The following KIRREL3 variants were observed in gnomAD, a reference collection of about 807,000 sequenced individuals.
The protein encoded by KIRREL3 is kin of IRRE-like protein 3.
A neutral mutation model predicts 89.7 loss-of-function variants in KIRREL3; 36 were observed. That is an observed-to-expected ratio of 0.40 (90% CI 0.31 to 0.53). The LOEUF is 0.53. KIRREL3 is among the 20% of genes least tolerant of loss of function. The pLI is 0.49. For missense variants in KIRREL3, 864 were observed against 1,056.6 expected (o/e 0.82, Z 2.53); for synonymous variants, 445 against 441.4 (o/e 1.01, Z -0.10).
rs1957076994 is a variant in KIRREL3 at position 126,476,673 on chromosome 11, G to T, written c.434-3207C>A. 7.1e-6 allele frequency among the ~76,000 whole-genome samples: 1 copy of T among 140,768 alleles called. No individual in the cohort carries two copies. The highest frequency in any genetic ancestry group is 7.1e-5 in the Admixed American group (1 of 14,038). The allele number at this position is 140,768 out of a possible 152,430, so 92.3% of individuals were successfully genotyped here. ...AGATGGGGGTGGGGGCTGGGGGGGG[G>T]TGGGGGTTGGTGAGGATGGAGGATG... On this transcript the variant is annotated intron_variant, in intron 4 of 16. Coordinates refer to ENST00000525144, the MANE Select transcript of KIRREL3 (RefSeq NM_032531.4). This position sits in a 1 kb window ranked among gnomAD's most constrained non-coding sequence, Gnocchi z 6.4.
intron 1 of KIRREL3, among the ~76,000 whole-genome samples, chr11:126,617,996 GGTGATTGGATAAT>G (rs1425676033): frequency 6.6e-6 from 1 of 152,188 alleles, no homozygotes; most frequent in Non-Finnish European, 1.5e-5. Context: ...CCTGGTGGGA[GGTGATTGGATAAT>G]GTGGTTGGTG....
chr11:126,799,133 T>A (rs537974746), intron 1 of KIRREL3, among the ~76,000 whole-genome samples: 3 of 140,894 alleles, frequency 2.1e-5, no homozygotes, highest in African/African-American at 8.0e-5. Flanking sequence ...TGCGTGTGCA[T>A]GTACCTGTGT....
At chr11:126,488,727 G>A (rs1245584990) in intron 4 of KIRREL3, among the ~76,000 whole-genome samples, 1 of 152,226 alleles carries the variant, frequency 6.6e-6, no homozygotes, top group East Asian at 1.9e-4. Flanking sequence ...CACAGGGAAA[G>A]CCTGCTAGGT....
At chr11:126,868,359 C>T (rs781364763) in intron 1 of KIRREL3, among the ~76,000 whole-genome samples, 4 of 152,074 alleles carry the variant, frequency 2.6e-5, no homozygotes, top group Admixed American at 1.3e-4. Context: ...CGATGTGGGT[C>T]GTCAGCAAGG....
chr11:126,726,740 A>G (rs1677468760), intron 1 of KIRREL3, among the ~76,000 whole-genome samples: 1 of 151,868 alleles, frequency 6.6e-6, no homozygotes, highest in Non-Finnish European at 1.5e-5. Flanking sequence ...CACTCCTATC[A>G]TTTCCCTTCT....
rs1946591199 is a variant in KIRREL3, at chr11:126,906,557, T to C, written c.55+93898A>G. Among the ~76,000 whole-genome samples, 1 of 152,170 alleles carries C rather than the reference T, an allele frequency of 6.6e-6. No homozygotes were observed. Among genetic ancestry groups the C allele is most frequent in the Admixed American group, 6.5e-5 (1 of 15,272 alleles). On this transcript the variant is annotated intron_variant, in intron 1 of 16. Transcript: ENST00000525144. This position sits in a 1 kb window ranked among gnomAD's most constrained non-coding sequence, Gnocchi z 4.1. ...GCAGAGAAGTGGATAGGGACCCCCCTGCCATGAAAAACAGCGTTGTTTTTT... is the reference window on the plus strand; with the variant it reads ...GCAGAGAAGTGGATAGGGACCCCCCCGCCATGAAAAACAGCGTTGTTTTTT...
rs1243850001 is a variant in KIRREL3 at position 126,669,618 on chromosome 11, C to T, written c.56-106706G>A. 6.6e-6 allele frequency among the ~76,000 whole-genome samples: 1 copy of T among 152,178 alleles called. No individual in the cohort carries two copies. Among genetic ancestry groups the T allele is most frequent in the Non-Finnish European group, 1.5e-5 (1 of 68,038 alleles). On this transcript the variant is annotated intron_variant, in intron 1 of 16. Transcript: ENST00000525144. This position sits in a 1 kb window ranked among gnomAD's most constrained non-coding sequence, Gnocchi z 5.0. ...TCCGTGGTTGACTCATTCAAGCCCT[C>T]CCACGAGTCAGATTACCCAGTCAGC...
At chr11:126,438,365 C>T (rs141720862) in intron 11 of KIRREL3, among the ~76,000 whole-genome samples, 88 of 152,348 alleles carry the variant, frequency 5.8e-4, no homozygotes, top group African/African-American at 1.6e-3. Flanking sequence ...TATCCTGGTT[C>T]GGGGCTGATG....
At chr11:126,934,830 G>A (rs1404182072) in intron 1 of KIRREL3, 1 of 152,168 alleles carries the variant, frequency 6.6e-6, no homozygotes, top group Admixed American at 6.5e-5. Context: ...GGAAGCCGAG[G>A]CGGACAGATC....
chr11:126,470,840 C>G (rs1447368475), intron 5 of KIRREL3, among the ~76,000 whole-genome samples: 1 of 152,130 alleles, frequency 6.6e-6, no homozygotes, highest in Non-Finnish European at 1.5e-5. Context: ...CAGTCACTTC[C>G]CCACCAGGCC....
intron 1 of KIRREL3, among the ~76,000 whole-genome samples, chr11:126,864,397 C>T (rs945262183): frequency 6.6e-6 from 1 of 152,180 alleles, no homozygotes; most frequent in African/African-American, 2.4e-5. Flanking sequence ...GGTGTGGGAC[C>T]AGGAGGGCTG....
chr11:126,981,845 T>C lies in KIRREL3; in HGVS notation c.55+18610A>G, dbSNP rs1026352394. Among the ~76,000 whole-genome samples the C allele has an allele frequency of 1.3e-5, 2 of 152,190 alleles. No individual in the cohort carries two copies. The highest frequency in any genetic ancestry group is 2.9e-5 in the Non-Finnish European group (2 of 68,030). On this transcript the variant is annotated intron_variant, in intron 1 of 16. Transcript: ENST00000525144. The surrounding 1 kb of genome is among the most constrained non-coding windows in gnomAD (Gnocchi z 4.2). ...CCTGGAGGAGCCATCTGAGCTTCTG[T>C]AGCACACACTCCCTTGCTTGGGGGC...
intron 1 of KIRREL3, among the ~76,000 whole-genome samples, chr11:126,919,073 C>A (rs1293599711): frequency 1.3e-5 from 2 of 150,392 alleles, no homozygotes; most frequent in Non-Finnish European, 3.0e-5. Context: ...TGCTACAGAC[C>A]CAAGGAGATA....
In KIRREL3 at chr11:126,471,451, T is replaced by C. The variant is rs940343966; in HGVS notation, c.591+1858A>G. Among the ~76,000 whole-genome samples, 3 of 152,026 alleles carry C rather than the reference T, an allele frequency of 2.0e-5. No homozygotes were observed. Among genetic ancestry groups the C allele is most frequent in the African/African-American group, 7.2e-5 (3 of 41,408 alleles). On this transcript the variant is annotated intron_variant, in intron 5 of 16. Transcript: ENST00000525144. This position sits in a 1 kb window ranked among gnomAD's most constrained non-coding sequence, Gnocchi z 5.4. ...AGAAAAGACAGTTTGCTACTCATAGTTCCCAGAGGAAGGGGAGGCCCCAGG... is the reference window on the plus strand; with the variant it reads ...AGAAAAGACAGTTTGCTACTCATAGCTCCCAGAGGAAGGGGAGGCCCCAGG...
rs1019079997 is a variant in KIRREL3 at position 126,605,342 on chromosome 11, C to T, written c.56-42430G>A. Among the ~76,000 whole-genome samples the T allele has an allele frequency of 2.6e-5, 4 of 152,202 alleles. No individual in the cohort carries two copies. The highest frequency in any genetic ancestry group is 9.6e-5 in the African/African-American group (4 of 41,454). On this transcript the variant is annotated intron_variant, in intron 1 of 16. Transcript: ENST00000525144. This position sits in a 1 kb window ranked among gnomAD's most constrained non-coding sequence, Gnocchi z 5.7. ...AGTGAGCAGCTTCATCTTCAGGCGT[C>T]GGGAGTGGGAGCAATGGAGCACCCA...
chr11:126,787,191 A>G (rs1244453853), intron 1 of KIRREL3, among the ~76,000 whole-genome samples: 1 of 152,190 alleles, frequency 6.6e-6, no homozygotes, highest in Non-Finnish European at 1.5e-5. Flanking sequence ...TGATGAAATG[A>G]TGGAGCCAAT....
chr11:126,934,000 CAAAA>C (rs60806775), intron 1 of KIRREL3, among the ~76,000 whole-genome samples: 12,794 of 146,666 alleles, frequency 0.087, 685 homozygotes, highest in African/African-American at 0.14. Context: ...CTGGAAAAGA[CAAAA>C]AAAAAAAAAA....
rs1958571235 is a variant in KIRREL3, at chr11:126,521,081, G to A, written c.433+234C>T. ...CCTAAGGCACCATCAAACACGCCGGGGTTGGACTGAGTCCGCTGGCATTGG... is the reference window on the plus strand; with the variant it reads ...CCTAAGGCACCATCAAACACGCCGGAGTTGGACTGAGTCCGCTGGCATTGG... On this transcript the variant is annotated intron_variant, in intron 4 of 16. Coordinates refer to ENST00000525144, the MANE Select transcript of KIRREL3 (RefSeq NM_032531.4). The surrounding 1 kb of genome is among the most constrained non-coding windows in gnomAD (Gnocchi z 4.1). Among the ~76,000 whole-genome samples the A allele has an allele frequency of 6.6e-6, 1 of 152,226 alleles. No homozygotes were observed. Among genetic ancestry groups the A allele is most frequent in the Non-Finnish European group, 1.5e-5 (1 of 68,044 alleles).
At chr11:126,502,522 A>G (rs960654225) in intron 4 of KIRREL3, among the ~76,000 whole-genome samples, 1 of 152,268 alleles carries the variant, frequency 6.6e-6, no homozygotes, top group East Asian at 1.9e-4. Context: ...TTTCTGCTAT[A>G]GATTTTTAAG....
Sources: gnomAD v4.1 joint callset for allele counts (sites outside exome capture counted in the v4.1 genomes callset) on GRCh38, gnomAD v4.1.1 for gene constraint, Gnocchi (gnomAD v3.1) non-coding constraint, MANE v1.5 for transcripts, NCBI Gene and HGNC (gene_info 2026-07-23, HGNC 2026-07-21) for gene names.